Variants in CYB5R4 observed in about 807,000 individuals in gnomAD.
The protein encoded by CYB5R4 is cytochrome b5 reductase 4.
A neutral mutation model predicts 70.2 loss-of-function variants in CYB5R4; 55 were observed. The ratio of observed to expected loss-of-function variants is 0.78; its 90% CI spans 0.63 to 0.98. The LOEUF (loss-of-function observed/expected upper bound fraction) is 0.98. CYB5R4 is among the 50% of genes least tolerant of loss of function. The probability of loss-of-function intolerance (pLI) is 0.00; values close to 1 mark genes in which losing one functional copy is unlikely to be tolerated. For missense variants in CYB5R4, 562 were observed against 612.6 expected (o/e 0.92, Z 0.87); for synonymous variants, 197 against 199.5 (o/e 0.99, Z 0.11).
At chr6:83,875,570 G>C (rs796246856) in intron 2 of CYB5R4, among the ~76,000 whole-genome samples, 13 of 152,246 alleles carry the variant, frequency 8.5e-5, no homozygotes, top group African/African-American at 3.1e-4. Flanking sequence ...TTCAGGACAA[G>C]TCCACAGTGC....
At chr6:83,924,783 A>G (rs2099466997) in intron 10 of CYB5R4, among the ~76,000 whole-genome samples, 191 bp downstream of exon 10, 1 of 152,148 alleles carries the variant, frequency 6.6e-6, no homozygotes, top group South Asian at 2.1e-4. Flanking sequence ...TTCAGACTCT[A>G]CTATCTAATG....
chr6:83,943,232 G>T (rs2099470043), intron 14 of CYB5R4, among the ~76,000 whole-genome samples: 2 of 152,070 alleles, frequency 1.3e-5, no homozygotes, highest in Non-Finnish European at 2.9e-5. Context: ...GCATTTGGTG[G>T]GTGCCCTCTG....
At chr6:83,913,660 G>A (rs1448026611) in intron 4 of CYB5R4, among the ~76,000 whole-genome samples, 15 of 152,058 alleles carry the variant, frequency 9.9e-5, no homozygotes, top group Admixed American at 9.8e-4. Flanking sequence ...TTTTAAATAC[G>A]TTAGTTTCTT....
chr6:83,909,814 A>G (rs768903573), intron 4 of CYB5R4, among the ~76,000 whole-genome samples: 2 of 152,168 alleles, frequency 1.3e-5, no homozygotes, highest in African/African-American at 4.8e-5. Flanking sequence ...GTCTGAAGAC[A>G]TTTTTGTTGT....
chr6:83,863,563 A>C, intron 1 of CYB5R4, among the ~76,000 whole-genome samples: 1 of 152,144 alleles, frequency 6.6e-6, no homozygotes, highest in East Asian at 1.9e-4. Context: ...CAAACTGGTT[A>C]ACTGTAACAT....
chr6:83,934,885 C>T, intron 11 of CYB5R4, 150 bp downstream of exon 11: 1 of 647,392 alleles, frequency 1.5e-6, no homozygotes, highest in East Asian at 2.8e-5. Flanking sequence ...AGGTTTGTGA[C>T]TGCAACGTGT....
At chr6:83,887,777 G>A (rs2099460483) in intron 2 of CYB5R4, among the ~76,000 whole-genome samples, 1 of 151,678 alleles carries the variant, frequency 6.6e-6, no homozygotes. Flanking sequence ...GCATAAAGGA[G>A]GGGATGGGTG....
intron 2 of CYB5R4, among the ~76,000 whole-genome samples, chr6:83,885,455 G>A (rs989242356): frequency 8.5e-5 from 13 of 152,234 alleles, no homozygotes; most frequent in African/African-American, 2.9e-4. Context: ...ATTAATTAGT[G>A]GATGTGTGGC....
intron 2 of CYB5R4, among the ~76,000 whole-genome samples, chr6:83,870,729 A>G (rs2099457457): frequency 6.6e-6 from 1 of 151,634 alleles, no homozygotes; most frequent in Non-Finnish European, 1.5e-5. Flanking sequence ...CTCTTCTTCC[A>G]TTTTCTTGTT....
At chr6:83,928,894 G>T (rs1367678164) in intron 10 of CYB5R4, among the ~76,000 whole-genome samples, 1 of 152,086 alleles carries the variant, frequency 6.6e-6, no homozygotes, top group Non-Finnish European at 1.5e-5. Context: ...TAGTTAGAAC[G>T]ACATCATTCA....
intron 14 of CYB5R4, 144 bp downstream of exon 14, chr6:83,940,745 C>T: frequency 4.8e-6 from 5 of 1,033,566 alleles, no homozygotes; most frequent in Non-Finnish European, 6.6e-6. Flanking sequence ...AACTAGAAAT[C>T]ATGTTAAATG....
At chr6:83,894,034 C>G (rs1458696304) in intron 3 of CYB5R4, among the ~76,000 whole-genome samples, 6 of 152,112 alleles carry the variant, frequency 3.9e-5, no homozygotes, top group African/African-American at 1.4e-4. Context: ...CTAGGGATTG[C>G]TATATATTCA....
intron 15 of CYB5R4, among the ~76,000 whole-genome samples, chr6:83,955,810 G>T (rs2099472340): frequency 1.3e-5 from 2 of 151,906 alleles, no homozygotes; most frequent in Non-Finnish European, 2.9e-5. Context: ...TAATTAATAA[G>T]GAATGTTCAT....
At chr6:83,929,190 G>A (rs1013951648) in intron 10 of CYB5R4, among the ~76,000 whole-genome samples, 11 of 152,076 alleles carry the variant, frequency 7.2e-5, no homozygotes, top group African/African-American at 2.2e-4. Context: ...TAGCAAAGCC[G>A]AATGCTTACA....
chr6:83,898,949 C>T (rs1230725505), intron 3 of CYB5R4, among the ~76,000 whole-genome samples: 2 of 152,230 alleles, frequency 1.3e-5, no homozygotes, highest in South Asian at 2.1e-4. Context: ...AATTGAATAC[C>T]CTTTATTTCC....
At chr6:83,869,472 T>C (rs2099457247) in intron 2 of CYB5R4, among the ~76,000 whole-genome samples, 2 of 152,192 alleles carry the variant, frequency 1.3e-5, no homozygotes, top group Admixed American at 1.3e-4. Context: ...AGCGTGCACA[T>C]TCCTAGCTGA....
At chr6:83,946,004 G>T (rs1424473278) in intron 14 of CYB5R4, among the ~76,000 whole-genome samples, 1 of 152,180 alleles carries the variant, frequency 6.6e-6, no homozygotes, top group African/African-American at 2.4e-5. Context: ...ACAAAGAGGA[G>T]CTGGTACCAT....
At chr6:83,944,423 T>G (rs971337646) in intron 14 of CYB5R4, among the ~76,000 whole-genome samples, 1 of 151,006 alleles carries the variant, frequency 6.6e-6, no homozygotes, top group Admixed American at 6.6e-5. Flanking sequence ...CTTACAAGAG[T>G]TCCTGAAGGA....
chr6:83,880,889 C>T (rs563749684), intron 2 of CYB5R4, among the ~76,000 whole-genome samples: 1 of 152,334 alleles, frequency 6.6e-6, no homozygotes, highest in South Asian at 2.1e-4. Flanking sequence ...AAGAATCCTA[C>T]AGTCATCTGC....
Sources: allele counts gnomAD v4.1 joint callset (sites outside exome capture counted in the v4.1 genomes callset), GRCh38; gene constraint gnomAD v4.1.1; transcripts MANE v1.5; gene names NCBI Gene and HGNC (gene_info 2026-07-23, HGNC 2026-07-21).